The following CTNND2 variants were observed in gnomAD, a reference collection of about 807,000 sequenced individuals.
The protein encoded by CTNND2 is catenin delta 2.
CTNND2 carries 22 observed loss-of-function variants against 144.4 expected under a neutral mutation model. That is an observed-to-expected ratio of 0.15 (90% CI 0.11 to 0.22). The LOEUF (loss-of-function observed/expected upper bound fraction) is 0.22, where lower values mean the gene tolerates loss of function less well. CTNND2 is among the 10% of genes least tolerant of loss of function. The pLI is 1.00. For synonymous variants in CTNND2, 751 were observed against 695.6 expected, an observed-to-expected ratio of 1.08 and a Z score of -1.25; for missense variants, 1,353 against 1,618.8, an observed-to-expected ratio of 0.84 and a Z score of 2.82.
intron 9 of CTNND2, among the ~76,000 whole-genome samples, chr5:11,255,379 G>A (rs894090861): frequency 1.3e-5 from 2 of 152,138 alleles, no homozygotes; most frequent in Admixed American, 1.3e-4. Context: ...TTTGCACAGA[G>A]GCCGACTAGA....
chr5:11,555,547 A>G (rs1424094130), intron 3 of CTNND2, among the ~76,000 whole-genome samples: 1 of 152,138 alleles, frequency 6.6e-6, no homozygotes, highest in East Asian at 1.9e-4. Context: ...CTGACCAGAA[A>G]TTTGATGGTG....
chr5:11,378,934 TAGAC>T (rs1758211808), intron 7 of CTNND2, among the ~76,000 whole-genome samples: 2 of 152,200 alleles, frequency 1.3e-5, no homozygotes, highest in Admixed American at 1.3e-4. Flanking sequence ...GGGGACAAGT[TAGAC>T]AGGCCTTGAC....
Position 11,018,928 on chromosome 5 carries a change from C to T in CTNND2, c.3000-870G>A, listed in dbSNP as rs192658594. On this transcript the variant is annotated intron_variant, in intron 17 of 21. Transcript: ENST00000304623. ...TTCACCATGTTGGTCAGGCTGGTCT[C>T]GAACTCCTGACCTCGTGATCCACCC... 9.9e-5 allele frequency among the ~76,000 whole-genome samples: 15 copies of T among 152,050 alleles called. No individual in the cohort carries two copies. In the East Asian group the frequency reaches 2.9e-3, roughly 29 times the overall value.
intron 9 of CTNND2, among the ~76,000 whole-genome samples, chr5:11,276,193 G>T (rs1023870911): frequency 6.6e-6 from 1 of 152,238 alleles, no homozygotes; most frequent in African/African-American, 2.4e-5. Flanking sequence ...AGGAGCAGGG[G>T]ATGTGGCTTG....
At chr5:11,837,503 G>C (rs1267865332) in intron 1 of CTNND2, among the ~76,000 whole-genome samples, 2 of 152,206 alleles carry the variant, frequency 1.3e-5, no homozygotes, top group African/African-American at 4.8e-5. Flanking sequence ...GGGAAGACTA[G>C]TCATCATAAG....
intron 8 of CTNND2, among the ~76,000 whole-genome samples, chr5:11,355,656 A>C (rs1755789514): frequency 6.6e-6 from 1 of 152,156 alleles, no homozygotes; most frequent in Non-Finnish European, 1.5e-5. Flanking sequence ...ACTTCTATTC[A>C]ACATAGTACT....
intron 2 of CTNND2, among the ~76,000 whole-genome samples, chr5:11,591,612 C>T (rs369692): frequency 0.1 from 15,271 of 151,958 alleles, 934 homozygotes; most frequent in East Asian, 0.29. Flanking sequence ...CTCCTGTGTC[C>T]TATGATTTCT....
chr5:11,165,597 T>C (rs1759242914), intron 11 of CTNND2, among the ~76,000 whole-genome samples: 1 of 152,240 alleles, frequency 6.6e-6, no homozygotes, highest in African/African-American at 2.4e-5. Flanking sequence ...TCCAATAGCT[T>C]TCCTTTATCA....
chr5:11,450,347 C>T (rs757880630), intron 3 of CTNND2, among the ~76,000 whole-genome samples: 5 of 152,174 alleles, frequency 3.3e-5, no homozygotes, highest in African/African-American at 9.6e-5. Flanking sequence ...GTATGTCACA[C>T]CATGCAACAG....
chr5:11,568,091 TGGGTTCTCCCAGCTTG>T (rs1449286342), intron 2 of CTNND2, among the ~76,000 whole-genome samples: 12 of 152,192 alleles, frequency 7.9e-5, no homozygotes, highest in Non-Finnish European at 1.5e-4. Context: ...CCATGGACTA[TGGGTTCTCCCAGCTTG>T]GCTGGTGGGT....
At chr5:11,871,904 TATTC>T (rs1487401622) in intron 1 of CTNND2, among the ~76,000 whole-genome samples, 1 of 152,182 alleles carries the variant, frequency 6.6e-6, no homozygotes, top group African/African-American at 2.4e-5. Flanking sequence ...CAGAAAAATC[TATTC>T]ATTCTTTTTT....
intron 12 of CTNND2, among the ~76,000 whole-genome samples, chr5:11,128,987 A>G (rs1398077050): frequency 2.0e-5 from 1 of 49,564 alleles, no homozygotes; most frequent in Non-Finnish European, 3.9e-5. Context: ...ATAAATATAT[A>G]TAATATATAA....
intron 3 of CTNND2, among the ~76,000 whole-genome samples, chr5:11,522,198 G>A (rs1772791055): frequency 6.6e-6 from 1 of 152,174 alleles, no homozygotes; most frequent in Non-Finnish European, 1.5e-5. Flanking sequence ...CTATGTGTTA[G>A]AAGAAAGATT....
At chr5:11,666,060 G>A (rs925155324) in intron 2 of CTNND2, among the ~76,000 whole-genome samples, 1 of 152,108 alleles carries the variant, frequency 6.6e-6, no homozygotes, top group African/African-American at 2.4e-5. Context: ...AGATGAATGT[G>A]TACTACAGAA....
At chr5:11,834,876 C>T (rs1188299901) in intron 1 of CTNND2, among the ~76,000 whole-genome samples, 2 of 152,186 alleles carry the variant, frequency 1.3e-5, no homozygotes, top group East Asian at 3.9e-4. Flanking sequence ...TACAGTGGCT[C>T]CTGCCTGTAA....
chr5:11,007,484 G>A (rs1740609763), intron 18 of CTNND2, among the ~76,000 whole-genome samples: 1 of 152,192 alleles, frequency 6.6e-6, no homozygotes, highest in Non-Finnish European at 1.5e-5. Context: ...GGTTATGACA[G>A]GACACGTGGC....
intron 3 of CTNND2, among the ~76,000 whole-genome samples, chr5:11,546,951 C>A (rs537922858): frequency 3.3e-5 from 5 of 152,086 alleles, no homozygotes; most frequent in East Asian, 1.9e-4. Flanking sequence ...TCCTAACATG[C>A]GAAAAAATCA....
chr5:11,448,036 T>C (rs61755460), intron 3 of CTNND2, among the ~76,000 whole-genome samples: 2,105 of 152,262 alleles, frequency 0.014, 55 homozygotes, highest in African/African-American at 0.048. Context: ...GCAAGTGTTC[T>C]GCGAAGGGAG....
intron 19 of CTNND2, among the ~76,000 whole-genome samples, chr5:10,989,436 C>T (rs1348566213): frequency 6.6e-6 from 1 of 152,340 alleles, no homozygotes; most frequent in East Asian, 1.9e-4. Context: ...CAGTGACGGG[C>T]TTCAGAATCC....
Sources: allele counts gnomAD v4.1 joint callset (sites outside exome capture counted in the v4.1 genomes callset), GRCh38; gene constraint gnomAD v4.1.1; transcripts MANE v1.5; gene names NCBI Gene and HGNC (gene_info 2026-07-23, HGNC 2026-07-21).